Variants in KCNAB1 observed in about 807,000 individuals in gnomAD.
The protein encoded by KCNAB1 is voltage-gated potassium channel subunit beta-1.
Under a neutral mutation model 64.6 loss-of-function variants are expected in KCNAB1, and 35 were observed. The observed-to-expected ratio is 0.54, with a 90% CI of 0.41 to 0.72. The LOEUF (loss-of-function observed/expected upper bound fraction) is 0.72, where lower values mean the gene tolerates loss of function less well. KCNAB1 is among the 30% of genes least tolerant of loss of function. The pLI is 0.00. For synonymous variants in KCNAB1, 177 were observed against 183.8 expected, an observed-to-expected ratio of 0.96 and a Z score of 0.30; for missense variants, 401 against 512.9, an observed-to-expected ratio of 0.78 and a Z score of 2.11.
At chr3:156,302,742 T>TC (rs1721240171) in intron 1 of KCNAB1, among the ~76,000 whole-genome samples, 1 of 152,194 alleles carries the variant, frequency 6.6e-6, no homozygotes, top group Non-Finnish European at 1.5e-5. Context: ...ATCTCTTTTT[T>TC]CTTTTTTTGC....
intron 1 of KCNAB1, among the ~76,000 whole-genome samples, chr3:156,154,483 G>C (rs755048233): frequency 6.6e-6 from 1 of 152,074 alleles, no homozygotes; most frequent in Non-Finnish European, 1.5e-5. Flanking sequence ...TAGCTTACCT[G>C]TTGGGATTCC....
intron 11 of KCNAB1, among the ~76,000 whole-genome samples, chr3:156,522,034 A>C (rs961688504): frequency 2.2e-5 from 1 of 45,794 alleles, no homozygotes; most frequent in African/African-American, 5.2e-5. Context: ...ATATACACAC[A>C]CACATAAATA....
At position 156,419,869 on chromosome 3, in the gene KCNAB1, T is replaced by C. The variant is rs140481238; in HGVS notation, c.276-1747T>C. On this transcript the variant is annotated intron_variant, in intron 1 of 13. Transcript: ENST00000490337. The stretch of plus-strand genomic sequence containing the variant: ...TTTTAAAAAAATTCTCCCTACAATA[T>C]AGCATTTGCTCTAGATTCCTACCCC... 4.6e-4 allele frequency among the ~76,000 whole-genome samples: 70 copies of C among 152,354 alleles called. 1 individual carries two copies. Among genetic ancestry groups the C allele is most frequent in the East Asian group, 1.7e-3 (9 of 5,190 alleles).
At chr3:156,200,586 G>GA (rs1040191410) in intron 1 of KCNAB1, among the ~76,000 whole-genome samples, 25 of 152,188 alleles carry the variant, frequency 1.6e-4, no homozygotes, top group Non-Finnish European at 3.5e-4. Context: ...GAATTCCGCA[G>GA]AAATTCCCAA....
intron 5 of KCNAB1, among the ~76,000 whole-genome samples, chr3:156,462,579 A>T (rs994077416): frequency 1.3e-5 from 2 of 152,102 alleles, no homozygotes; most frequent in African/African-American, 4.8e-5. Context: ...CTTCAGTGGG[A>T]TGGGGCTGCT....
At chr3:156,326,771 C>T (rs1190848655) in intron 1 of KCNAB1, among the ~76,000 whole-genome samples, 4 of 152,130 alleles carry the variant, frequency 2.6e-5, no homozygotes, top group African/African-American at 7.2e-5. Flanking sequence ...GATATTTCCT[C>T]CTCCTTGAGA....
intron 1 of KCNAB1, among the ~76,000 whole-genome samples, chr3:156,124,574 T>G (rs927297572): frequency 6.6e-6 from 1 of 152,098 alleles, no homozygotes. Flanking sequence ...TGTGTATATT[T>G]ACACATATAC....
chr3:156,126,021 T>C (rs1311166959), intron 1 of KCNAB1, among the ~76,000 whole-genome samples: 1 of 152,220 alleles, frequency 6.6e-6, no homozygotes, highest in Non-Finnish European at 1.5e-5. Context: ...TCTAGTTGCT[T>C]GCAGCCTAGG....
chr3:156,450,998 A>G (rs543972031), intron 2 of KCNAB1, among the ~76,000 whole-genome samples: 1 of 151,950 alleles, frequency 6.6e-6, no homozygotes, highest in South Asian at 2.1e-4. Flanking sequence ...AAAAGCTACT[A>G]CTCTTTGATT....
intron 8 of KCNAB1, among the ~76,000 whole-genome samples, chr3:156,479,671 C>CCTTA (rs1186256445): frequency 2.0e-5 from 3 of 152,020 alleles, no homozygotes; most frequent in Non-Finnish European, 2.9e-5. Flanking sequence ...GGATTTGAGT[C>CCTTA]CTTACTTTTC....
intron 1 of KCNAB1, among the ~76,000 whole-genome samples, chr3:156,165,748 G>T (rs540541492): frequency 6.6e-6 from 1 of 151,990 alleles, no homozygotes; most frequent in Non-Finnish European, 1.5e-5. Context: ...TCTGTATTGC[G>T]GCTTTATTCC....
intron 1 of KCNAB1, among the ~76,000 whole-genome samples, chr3:156,164,725 C>T (rs1038389711): frequency 6.6e-6 from 1 of 152,148 alleles, no homozygotes; most frequent in African/African-American, 2.4e-5. Context: ...TGATGGAGAT[C>T]TAGGGCTCAG....
At chr3:156,381,379 T>C (rs1418201183) in intron 1 of KCNAB1, among the ~76,000 whole-genome samples, 2 of 152,128 alleles carry the variant, frequency 1.3e-5, no homozygotes, top group African/African-American at 4.8e-5. Flanking sequence ...GAGGGGATTC[T>C]GGTGATAATG....
chr3:156,184,611 G>A (rs779488760), intron 1 of KCNAB1, among the ~76,000 whole-genome samples: 1 of 152,112 alleles, frequency 6.6e-6, no homozygotes, highest in Non-Finnish European at 1.5e-5. Flanking sequence ...AAGGACACAG[G>A]TATCTAAGAA....
intron 1 of KCNAB1, among the ~76,000 whole-genome samples, chr3:156,277,145 G>A (rs1719393770): frequency 6.6e-6 from 1 of 152,166 alleles, no homozygotes; most frequent in Non-Finnish European, 1.5e-5. Context: ...GAAAAAGAGG[G>A]AGATGAGGGA....
chr3:156,418,960 C>CA (rs1715280287), intron 1 of KCNAB1, among the ~76,000 whole-genome samples: 1 of 152,196 alleles, frequency 6.6e-6, no homozygotes, highest in Non-Finnish European at 1.5e-5. Context: ...TCTTGTAAGG[C>CA]TTTCATTCCA....
chr3:156,220,968 T>C (rs1715689301), intron 1 of KCNAB1, among the ~76,000 whole-genome samples: 1 of 152,222 alleles, frequency 6.6e-6, no homozygotes, highest in Non-Finnish European at 1.5e-5. Context: ...ATTTATTAAA[T>C]AGGGAATCCT....
At chr3:156,411,650 G>A (rs1359580857) in intron 1 of KCNAB1, among the ~76,000 whole-genome samples, 2 of 152,040 alleles carry the variant, frequency 1.3e-5, no homozygotes, top group Non-Finnish European at 2.9e-5. Flanking sequence ...TTGCACCTTT[G>A]TCAAAAATTA....
At chr3:156,266,012 A>G (rs1718681566) in intron 1 of KCNAB1, among the ~76,000 whole-genome samples, 1 of 152,074 alleles carries the variant, frequency 6.6e-6, no homozygotes, top group South Asian at 2.1e-4. Flanking sequence ...ACAAAAAACA[A>G]AAAAAACTGT....
Sources: allele counts gnomAD v4.1 joint callset (sites outside exome capture counted in the v4.1 genomes callset), GRCh38; gene constraint gnomAD v4.1.1; transcripts MANE v1.5; gene names NCBI Gene and HGNC (gene_info 2026-07-23, HGNC 2026-07-21).